Variants in PNPT1 observed in about 807,000 individuals in gnomAD.
The protein encoded by PNPT1 is polyribonucleotide nucleotidyltransferase 1, also known as polyribonucleotide nucleotidyltransferase 1, mitochondrial.
In PNPT1, 53 loss-of-function variants were observed where a neutral mutation model predicts 119.5. That is an observed-to-expected ratio of 0.44 (90% CI 0.36 to 0.56). The LOEUF is 0.56. PNPT1 is among the 20% of genes least tolerant of loss of function. PNPT1 has a pLI of 0.00. For synonymous variants in PNPT1, 357 were observed against 322.1 expected (o/e 1.11, Z -1.16); for missense variants, 948 against 938.5 (o/e 1.01, Z -0.13).
chr2:55,649,463 C>A (rs1696106138), intron 18 of PNPT1, among the ~76,000 whole-genome samples: 3 of 152,088 alleles, frequency 2.0e-5, no homozygotes, highest in African/African-American at 7.2e-5. Flanking sequence ...TTTTAGAAAG[C>A]TGTCCTTTAC....
intron 23 of PNPT1, 21 bp downstream of exon 23, chr2:55,644,616 C>A (rs1442630735): frequency 6.4e-7 from 1 of 1,565,476 alleles, no homozygotes. Context: ...TAAAAAACCC[C>A]AAACTTCATA....
chr2:55,645,126 C>G, intron 22 of PNPT1: 1 of 335,778 alleles, frequency 3.0e-6, no homozygotes, highest in East Asian at 5.9e-5. Context: ...CGGGTTCATG[C>G]CATTCTCCTG....
intron 18 of PNPT1, among the ~76,000 whole-genome samples, chr2:55,648,947 G>C (rs1696086622): frequency 6.6e-6 from 1 of 152,020 alleles, no homozygotes; most frequent in South Asian, 2.1e-4. Flanking sequence ...ATTTACTTTG[G>C]TATAAAGGAG....
intron 10 of PNPT1, 133 bp from the exon 11 acceptor site, chr2:55,671,509 GT>G: frequency 1.9e-6 from 1 of 524,906 alleles, no homozygotes; most frequent in Non-Finnish European, 3.2e-6. Flanking sequence ...ATTGGAATTG[GT>G]TCTTGATTTA....
intron 25 of PNPT1, among the ~76,000 whole-genome samples, chr2:55,641,168 G>A (rs572343213): frequency 3.4e-4 from 52 of 152,188 alleles, no homozygotes; most frequent in African/African-American, 1.2e-3. Context: ...AGGTGGCAGT[G>A]AGCCGAGATC....
intron 11 of PNPT1, among the ~76,000 whole-genome samples, chr2:55,669,589 G>A (rs1432244840): frequency 2.0e-5 from 3 of 152,144 alleles, no homozygotes; most frequent in Admixed American, 1.3e-4. Flanking sequence ...CCAGAGGGTC[G>A]TGAAGATATT....
In PNPT1 at chr2:55,671,159, G is replaced by A. The variant is rs563030569; in HGVS notation, c.976+160C>T. Among the ~76,000 whole-genome samples, 7 of 152,210 alleles carry A rather than the reference G, an allele frequency of 4.6e-5. No individual in the cohort carries two copies. The East Asian group carries it at 1.4e-3, about 29-fold the overall frequency. ...CTATGAGAGAGCATTCTAGGTCTAGGGAACAGCAGCTGTAAAGTTGAAAGT... is the reference window on the plus strand; with the variant it reads ...CTATGAGAGAGCATTCTAGGTCTAGAGAACAGCAGCTGTAAAGTTGAAAGT... On this transcript the variant is annotated intron_variant, in intron 11 of 27. Coordinates refer to ENST00000447944, the MANE Select transcript of PNPT1 (RefSeq NM_033109.5).
At chr2:55,662,312 G>A (rs1290140319) in intron 13 of PNPT1, among the ~76,000 whole-genome samples, 1 of 152,166 alleles carries the variant, frequency 6.6e-6, no homozygotes, top group African/African-American at 2.4e-5. Flanking sequence ...ATGTTTTTAA[G>A]AACTATGTAG....
intron 1 of PNPT1, among the ~76,000 whole-genome samples, chr2:55,691,848 T>TTATATATATATATATATATA (rs869195974): frequency 3.4e-5 from 3 of 87,266 alleles, no homozygotes; most frequent in Admixed American, 1.2e-4. Flanking sequence ...TTAAAAATGT[T>TTATATATATATATATATATA]TATATATATA....
chr2:55,687,765 A>T, intron 1 of PNPT1, 60 bp from the exon 2 acceptor site: 1 of 1,297,738 alleles, frequency 7.7e-7, no homozygotes, highest in South Asian at 1.4e-5. Context: ...ATTCCTGCTT[A>T]GTATAAAATA....
At position 55,693,813 on chromosome 2, in the gene PNPT1, C is replaced by A. The variant is rs771479313; in HGVS notation, c.11G>T (p.Cys4Phe). 8.1e-6 allele frequency: 13 copies of A among 1,613,552 alleles called. No individual in the cohort carries two copies. The East Asian group carries it at 2.7e-4, about 33-fold the overall frequency. ...CCGGAGGCACGAGCAGCAGTACCTG[C>A]AGGCCGCCATGACACCCGGCACGCG... MAACRYCCSCLRLR... is the reference protein window; with the variant it reads MAAFRYCCSCLRLR... The change falls in exon 1 of 28, where the codon TGC becomes TTC. Residue 4 changes from cysteine to phenylalanine, a missense_variant. Cys to Phe is a radical substitution (Grantham distance 205). Transcript: ENST00000447944.
intron 26 of PNPT1, among the ~76,000 whole-genome samples, chr2:55,639,630 G>A (rs1695780897): frequency 6.6e-6 from 1 of 151,968 alleles, no homozygotes; most frequent in Admixed American, 6.6e-5. Context: ...CATTCTTACG[G>A]ATTTATAAAA....
intron 14 of PNPT1, among the ~76,000 whole-genome samples, 188 bp from the exon 15 acceptor site, chr2:55,660,381 A>G (rs748345163): frequency 6.6e-6 from 1 of 152,232 alleles, no homozygotes; most frequent in Non-Finnish European, 1.5e-5. Context: ...TCTGGGGCTT[A>G]TGAATGAATT....
At chr2:55,650,518 C>T (rs1696142277) in intron 18 of PNPT1, among the ~76,000 whole-genome samples, 1 of 152,210 alleles carries the variant, frequency 6.6e-6, no homozygotes, top group Non-Finnish European at 1.5e-5. Flanking sequence ...AGCAGCCTGC[C>T]TTGGCCTCCC....
chr2:55,678,275 C>T (rs1332459817), intron 8 of PNPT1, among the ~76,000 whole-genome samples: 1 of 152,200 alleles, frequency 6.6e-6, no homozygotes, highest in Non-Finnish European at 1.5e-5. Context: ...AGGTAGACAT[C>T]ATCTATTATT....
Position 55,667,893 on chromosome 2 carries a change from A to C in PNPT1, c.1042T>G (p.Phe348Val), listed in dbSNP as rs773263940. 3 of 1,587,618 alleles carry C rather than the reference A, an allele frequency of 1.9e-6. No individual in the cohort carries two copies. In the African/African-American group the frequency reaches 4.1e-5, roughly 22 times the overall value. The change falls in exon 12 of 28, where the codon TTT becomes GTT. Residue 348 changes from phenylalanine to valine, a missense_variant. Transcript: ENST00000447944. Reference protein sequence around the residue: ...ESFNVVAKEVFRSIVLNEYKR... With the variant: ...ESFNVVAKEVVRSIVLNEYKR... Reference sequence around the variant, plus strand: ...TATTCATTCAAAACAATACTTCTAAAAACTTCCTTTGCAACAACATTGAAG... The same window carrying C: ...TATTCATTCAAAACAATACTTCTAACAACTTCCTTTGCAACAACATTGAAG...
intron 13 of PNPT1, among the ~76,000 whole-genome samples, chr2:55,662,689 G>T (rs1335106876): frequency 1.3e-5 from 2 of 151,864 alleles, no homozygotes; most frequent in Non-Finnish European, 2.9e-5. Flanking sequence ...AAGAAGAAAA[G>T]AAAAATAAAT....
At chr2:55,641,990 C>G (rs907099134) in intron 25 of PNPT1, among the ~76,000 whole-genome samples, 1 of 151,910 alleles carries the variant, frequency 6.6e-6, no homozygotes, top group African/African-American at 2.4e-5. Context: ...TACAGGCATG[C>G]ACCACCATGC....
At position 55,671,337 on chromosome 2, in the gene PNPT1, T is replaced by C; in HGVS notation, c.958A>G (p.Thr320Ala). 6.5e-7 allele frequency: 1 copy of C among 1,541,504 alleles called. No individual in the cohort carries two copies. The highest frequency in any genetic ancestry group is 1.3e-5 in the South Asian group (1 of 78,960). The stretch of plus-strand genomic sequence containing the variant: ...AATTTACCTTTTAGTTGTTCCTCCG[T>C]ATCTAATCTTATTTTGTTAACAGCT... ...DEAVNKIRLD[T>A]EEQLKEKFPE... The change falls in exon 11 of 28, where the codon ACG (threonine) becomes GCG (alanine). Residue 320 changes from threonine (T) to alanine (A), a missense_variant. By Grantham distance (58) the Thr-to-Ala change is moderately conservative. Coordinates refer to ENST00000447944, the MANE Select transcript of PNPT1 (RefSeq NM_033109.5).
Sources: allele counts gnomAD v4.1 joint callset (sites outside exome capture counted in the v4.1 genomes callset), GRCh38; gene constraint gnomAD v4.1.1; transcripts MANE v1.5; gene names NCBI Gene and HGNC (gene_info 2026-07-23, HGNC 2026-07-21).